The following CENPP variants were observed in gnomAD, a reference collection of about 807,000 sequenced individuals.
The protein encoded by CENPP is centromere protein P.
CENPP carries 24 observed loss-of-function variants against 35.6 expected under a neutral mutation model. The observed-to-expected ratio is 0.67, with a 90% CI of 0.49 to 0.95. The LOEUF is 0.95. Ranked by LOEUF, CENPP falls within the 40% of genes least tolerant of loss-of-function variation. The probability of loss-of-function intolerance (pLI) is 0.00; values close to 1 mark genes in which losing one functional copy is unlikely to be tolerated. For missense variants in CENPP, 332 were observed against 345.3 expected (o/e 0.96, Z 0.31); for synonymous variants, 120 against 125.5 (o/e 0.96, Z 0.29).
chr9:92,535,512 GTTATC>G (rs1461300466), intron 5 of CENPP, among the ~76,000 whole-genome samples: 2 of 151,796 alleles, frequency 1.3e-5, no homozygotes, highest in Non-Finnish European at 2.9e-5. Flanking sequence ...TTTCTTACCA[GTTATC>G]TTAAGTAAAC....
intron 5 of CENPP, among the ~76,000 whole-genome samples, chr9:92,525,703 C>T (rs1416399462): frequency 6.6e-6 from 1 of 151,960 alleles, no homozygotes; most frequent in Admixed American, 6.6e-5. Context: ...CCAGCCTGCC[C>T]AACATGGTGA....
chr9:92,467,609 A>G (rs1342688669), intron 5 of CENPP, among the ~76,000 whole-genome samples: 1 of 152,174 alleles, frequency 6.6e-6, no homozygotes, highest in Non-Finnish European at 1.5e-5. Flanking sequence ...TCTCAAATTC[A>G]TTTCACAAAA....
intron 4 of CENPP, among the ~76,000 whole-genome samples, chr9:92,374,214 T>C (rs1453276146): frequency 2.7e-5 from 4 of 150,664 alleles, no homozygotes; most frequent in Admixed American, 6.7e-5. Flanking sequence ...GATAAGGAAA[T>C]ATTTACTTCT....
At chr9:92,342,886 C>G (rs960364683) in intron 3 of CENPP, among the ~76,000 whole-genome samples, 1 of 152,176 alleles carries the variant, frequency 6.6e-6, no homozygotes, top group Non-Finnish European at 1.5e-5. Flanking sequence ...AGGAAACTTA[C>G]AAATTCTGAT....
chr9:92,607,672 G>C (rs545347919), intron 5 of CENPP, among the ~76,000 whole-genome samples: 1 of 152,088 alleles, frequency 6.6e-6, no homozygotes, highest in South Asian at 2.1e-4. Flanking sequence ...GACACCCAAG[G>C]GTAGATTTAA....
At chr9:92,442,059 A>G (rs1178928807) in intron 5 of CENPP, among the ~76,000 whole-genome samples, 2 of 152,180 alleles carry the variant, frequency 1.3e-5, no homozygotes, top group Non-Finnish European at 2.9e-5. Flanking sequence ...AGTCCAGTAA[A>G]CACACAAATA....
intron 5 of CENPP, among the ~76,000 whole-genome samples, chr9:92,506,165 G>A (rs1846997823): frequency 6.6e-6 from 1 of 152,200 alleles, no homozygotes. Context: ...TTAATGCAAT[G>A]AATGATTTCT....
chr9:92,598,249 C>A (rs12345078), intron 5 of CENPP, among the ~76,000 whole-genome samples: 1 of 152,206 alleles, frequency 6.6e-6, no homozygotes, highest in Non-Finnish European at 1.5e-5. Flanking sequence ...TCTCACCCCC[C>A]ACTGCCATGG....
At chr9:92,433,218 G>A (rs956473939) in intron 5 of CENPP, among the ~76,000 whole-genome samples, 1 of 152,188 alleles carries the variant, frequency 6.6e-6, no homozygotes, top group Non-Finnish European at 1.5e-5. Flanking sequence ...GAGAGCAAGA[G>A]GGAGTGATTC....
intron 5 of CENPP, among the ~76,000 whole-genome samples, chr9:92,422,291 T>C (rs1843830565): frequency 2.0e-5 from 3 of 152,114 alleles, no homozygotes; most frequent in Non-Finnish European, 2.9e-5. Context: ...TGACCTCAGG[T>C]GATCCGCCCA....
intron 5 of CENPP, chr9:92,515,080 A>G (rs200225062): frequency 1.2e-6 from 2 of 1,614,110 alleles, no homozygotes. Context: ...TATTCGGTCC[A>G]TTCCCACCTG....
At chr9:92,325,895 G>T, upstream of CENPP, 1 of 941,164 alleles carries the variant, frequency 1.1e-6, no homozygotes, top group African/African-American at 1.7e-5. Flanking sequence ...GTGAGCTCTG[G>T]GATGGTCCGC....
chr9:92,412,624 G>A (rs764833495), intron 5 of CENPP, among the ~76,000 whole-genome samples: 1 of 152,094 alleles, frequency 6.6e-6, no homozygotes, highest in African/African-American at 2.4e-5. Context: ...GTCTTTTTAC[G>A]ACTGACTTCT....
intron 4 of CENPP, among the ~76,000 whole-genome samples, chr9:92,358,552 T>A (rs1440085799): frequency 6.6e-6 from 1 of 152,126 alleles, no homozygotes; most frequent in Non-Finnish European, 1.5e-5. Flanking sequence ...CTAGTTTCCT[T>A]ACATTCTGTT....
Position 92,405,975 on chromosome 9 carries a change from A to AGAG in CENPP, c.564+26117_564+26118insAGG, listed in dbSNP as rs1843293377. On this transcript the variant is annotated intron_variant, in intron 5 of 7. Coordinates refer to ENST00000375587, the MANE Select transcript of CENPP (RefSeq NM_001012267.3). ...TAGCCTCTAAGTCAGCAGGAAAAGC[A>AGAG]GCAAACAAGCAACTAGAATCCATGG... 1.6e-4 allele frequency among the ~76,000 whole-genome samples: 24 copies of AGAG among 152,322 alleles called. No homozygotes were observed. The South Asian group carries it at 5.0e-3, about 32-fold the overall frequency.
intron 5 of CENPP, among the ~76,000 whole-genome samples, chr9:92,529,794 G>A (rs1206212913): frequency 6.6e-6 from 1 of 152,154 alleles, no homozygotes; most frequent in African/African-American, 2.4e-5. Flanking sequence ...AGTGAATTTG[G>A]GGCGGAGAGG....
At chr9:92,594,257 C>T (rs1850726132) in intron 5 of CENPP, among the ~76,000 whole-genome samples, 1 of 152,138 alleles carries the variant, frequency 6.6e-6, no homozygotes, top group African/African-American at 2.4e-5. Context: ...TAGGGTCAGC[C>T]CACCTCTGGT....
chr9:92,462,590 T>A (rs780203320), intron 5 of CENPP, among the ~76,000 whole-genome samples: 6 of 152,224 alleles, frequency 3.9e-5, no homozygotes, highest in Non-Finnish European at 8.8e-5. Context: ...TAAAGACGGA[T>A]GAAGATAATT....
At position 92,536,869 on chromosome 9, in the gene CENPP, A is replaced by ATTTTT. The variant is rs11459753; in HGVS notation, c.565-74433_565-74429dup. ...AGGTAATTTTAGAACTATTTTTTAA[A>ATTTTT]TTTTTTTTTTTTTTTTGAGACGGGA... On this transcript the variant is annotated intron_variant, in intron 5 of 7. Transcript: ENST00000375587. Among the ~76,000 whole-genome samples, 45 of 141,570 alleles carry ATTTTT rather than the reference A, an allele frequency of 3.2e-4. 1 individual carries two copies. Among genetic ancestry groups the ATTTTT allele is most frequent in the Middle Eastern group, 7.4e-3 (2 of 272 alleles). The allele number at this position is 141,570 out of a possible 152,430, so 92.9% of individuals were successfully genotyped here. A position where few individuals can be genotyped will look rare whatever the true frequency, so the allele number is the denominator to read the frequency against.
Sources: gnomAD v4.1 joint callset for allele counts (sites outside exome capture counted in the v4.1 genomes callset) on GRCh38, gnomAD v4.1.1 for gene constraint, MANE v1.5 for transcripts, NCBI Gene and HGNC (gene_info 2026-07-23, HGNC 2026-07-21) for gene names.